FXN: variants seen among roughly 807,000 people sequenced by gnomAD.
FXN encodes frataxin, mitochondrial.
Under a neutral mutation model 22.4 loss-of-function variants are expected in FXN, and 14 were observed. The observed-to-expected ratio is 0.62, with a 90% CI of 0.41 to 0.98. The LOEUF (loss-of-function observed/expected upper bound fraction) is 0.98, where lower values mean the gene tolerates loss of function less well. Ranked by LOEUF, FXN falls within the 50% of genes least tolerant of loss-of-function variation. FXN has a pLI of 0.00. For synonymous variants in FXN, 120 were observed against 114.1 expected, an observed-to-expected ratio of 1.05 and a Z score of -0.33; for missense variants, 267 against 268.4, an observed-to-expected ratio of 0.99 and a Z score of 0.04.
intron 3 of FXN, among the ~76,000 whole-genome samples, chr9:69,062,258 C>T (rs1013838263): frequency 3.9e-5 from 6 of 152,004 alleles, no homozygotes; most frequent in African/African-American, 7.3e-5. Flanking sequence ...ACTATAGGTG[C>T]GCACCACCAC....
chr9:69,057,446 A>T (rs565301663), intron 3 of FXN, among the ~76,000 whole-genome samples: 1 of 152,324 alleles, frequency 6.6e-6, no homozygotes, highest in African/African-American at 2.4e-5. Context: ...AGAGATGCCT[A>T]TATTTTTCTA....
intron 3 of FXN, among the ~76,000 whole-genome samples, chr9:69,053,976 T>G (rs904659138): frequency 1.4e-4 from 22 of 152,110 alleles, no homozygotes; most frequent in Non-Finnish European, 2.6e-4. Context: ...ATTTTTAAGC[T>G]CCACAGATGA....
Position 69,074,927 on chromosome 9 carries a change from T to C in FXN, c.*2165T>C. 1 of 985,444 alleles carries C rather than the reference T, an allele frequency of 1.0e-6. No individual in the cohort carries two copies. The highest frequency in any genetic ancestry group is 1.2e-6 in the Non-Finnish European group (1 of 829,940). 61.0% of individuals were successfully genotyped at this position (985,444 alleles called of 1,614,324 possible). The stretch of plus-strand genomic sequence containing the variant: ...GTTTGCATCTTGCTTCTACTGAAAG[T>C]TTCAGTGCACCCCACTTACTTAGAA... On this transcript the variant is annotated 3_prime_UTR_variant, in exon 5 of 5. Coordinates refer to ENST00000484259, the MANE Select transcript of FXN (RefSeq NM_000144.5).
Position 69,035,773 on chromosome 9 carries a change from C to T in FXN, c.-10C>T, listed in dbSNP as rs770717563. 3 of 1,501,704 alleles carry T rather than the reference C, an allele frequency of 2.0e-6. No individual in the cohort carries two copies. The highest frequency in any genetic ancestry group is 2.5e-5 in the South Asian group (2 of 80,336). 93.0% of individuals were successfully genotyped at this position (1,501,704 alleles called of 1,614,324 possible). A position where few individuals can be genotyped will look rare whatever the true frequency, so the allele number is the denominator to read the frequency against. On this transcript the variant is annotated 5_prime_UTR_variant, in exon 1 of 5. Transcript: ENST00000484259. ...CTGGAGGGCGGAGCGGGCGGCAGAC[C>T]CGGAGCAGCATGTGGACTCTCGGGC...
chr9:69,076,595 A>G lies in FXN; in HGVS notation c.*3833A>G, dbSNP rs958904996. 5.9e-5 allele frequency: 58 copies of G among 985,418 alleles called. No individual in the cohort carries two copies. The Admixed American group carries it at 6.1e-4, about 10-fold the overall frequency. The allele number at this position is 985,418 out of a possible 1,614,324, so 61.0% of individuals were successfully genotyped here. A position where few individuals can be genotyped will look rare whatever the true frequency, so the allele number is the denominator to read the frequency against. ...GGTTTACAATATGCTTTATCCAGCT[A>G]TACCTGCCCCAAATTCTGACAGATG... On this transcript the variant is annotated 3_prime_UTR_variant, in exon 5 of 5. Coordinates refer to ENST00000484259, the MANE Select transcript of FXN (RefSeq NM_000144.5).
intron 4 of FXN, among the ~76,000 whole-genome samples, chr9:69,066,385 G>A (rs1832166092): frequency 6.6e-6 from 1 of 152,140 alleles, no homozygotes; most frequent in Non-Finnish European, 1.5e-5. Flanking sequence ...AATAAATAGT[G>A]TGTTTCCTTT....
chr9:69,077,233 G>A lies in FXN; in HGVS notation c.*4471G>A, dbSNP rs1282229413. On this transcript the variant is annotated 3_prime_UTR_variant, in exon 5 of 5. Transcript: ENST00000484259. ...AGCCAGAAATGCCTTCTAATCTTTG[G>A]TTTATCTTAATTAGCCAGGACACTT... The A allele has an allele frequency of 3.0e-6, 3 of 985,246 alleles. No homozygotes were observed. Among genetic ancestry groups the A allele is most frequent in the Non-Finnish European group, 3.6e-6 (3 of 829,928 alleles). 61.0% of individuals were successfully genotyped at this position (985,246 alleles called of 1,614,324 possible).
chr9:69,053,601 G>T lies in FXN; in HGVS notation c.384+341G>T, dbSNP rs183092959. 2.8e-3 allele frequency among the ~76,000 whole-genome samples: 429 copies of T among 152,182 alleles called. 1 individual carries two copies. Among genetic ancestry groups the T allele is most frequent in the Admixed American group, 7.7e-3 (118 of 15,264 alleles). On this transcript the variant is annotated intron_variant, in intron 3 of 4. Coordinates refer to ENST00000484259, the MANE Select transcript of FXN (RefSeq NM_000144.5). ...TCAAGCTGCAGTCCAGCTCTACCAG[G>T]CTTGTTGTGACTCTGGGCAAGTCAC...
intron 1 of FXN, among the ~76,000 whole-genome samples, chr9:69,043,819 G>A (rs1294853170): frequency 6.6e-6 from 1 of 152,116 alleles, no homozygotes; most frequent in Non-Finnish European, 1.5e-5. Context: ...CCTGACCTCA[G>A]GTGATCCACC....
At chr9:69,039,771 G>T (rs1293885433) in intron 1 of FXN, among the ~76,000 whole-genome samples, 1 of 152,164 alleles carries the variant, frequency 6.6e-6, no homozygotes, top group African/African-American at 2.4e-5. Flanking sequence ...TCCATTTTCT[G>T]TTGCTTGTGA....
At chr9:69,056,583 C>T (rs1235844876) in intron 3 of FXN, among the ~76,000 whole-genome samples, 1 of 152,146 alleles carries the variant, frequency 6.6e-6, no homozygotes, top group African/African-American at 2.4e-5. Flanking sequence ...GCCATGATCG[C>T]ACCACTGTTC....
chr9:69,035,811 C>T lies in FXN; in HGVS notation c.29C>T (p.Ala10Val), dbSNP rs1831536332. 1.3e-6 allele frequency: 2 copies of T among 1,512,010 alleles called. No individual in the cohort carries two copies. 93.7% of individuals were successfully genotyped at this position (1,512,010 alleles called of 1,614,324 possible). MWTLGRRAV[A>V]GLLASPSPAQ... ...TGGACTCTCGGGCGCCGCGCAGTAG[C>T]CGGCCTCCTGGCGTCACCCAGCCCA... is the stretch of plus-strand genomic sequence containing the variant. Residue 10 changes from alanine to valine, a missense_variant, in exon 1 of 5, where the codon GCC (alanine) becomes GTC (valine). Ala to Val is a moderately conservative substitution (Grantham distance 64, BLOSUM62 0). Coordinates refer to ENST00000484259, the MANE Select transcript of FXN (RefSeq NM_000144.5).
intron 4 of FXN, among the ~76,000 whole-genome samples, chr9:69,065,341 G>C (rs1832150499): frequency 6.6e-6 from 1 of 152,138 alleles, no homozygotes; most frequent in Admixed American, 6.5e-5. Context: ...AGGAGTTTGA[G>C]ACCAGCCTGG....
At chr9:69,039,006 A>C (rs1831609716) in intron 1 of FXN, among the ~76,000 whole-genome samples, 1 of 152,048 alleles carries the variant, frequency 6.6e-6, no homozygotes, top group Non-Finnish European at 1.5e-5. Flanking sequence ...TAATCCCAGC[A>C]CTTTGGGAGG....
intron 1 of FXN, among the ~76,000 whole-genome samples, chr9:69,037,723 A>C (rs1831589692): frequency 6.6e-6 from 1 of 152,112 alleles, no homozygotes; most frequent in African/African-American, 2.4e-5. Context: ...CCCAGGCTGG[A>C]GTGCAGTGGC....
chr9:69,049,537 C>G (rs1349142480), intron 2 of FXN, among the ~76,000 whole-genome samples: 1 of 152,148 alleles, frequency 6.6e-6, no homozygotes, highest in African/African-American at 2.4e-5. Flanking sequence ...TGGAAACTTT[C>G]AGATAGTGGA....
rs1832301638 is a variant in FXN at position 69,072,994 on chromosome 9, T to A, written c.*232T>A. ...AGATTTTTTGGATTGTCGGATTTCC[T>A]CCCTCACATGATACCCCTTATCTTT... On this transcript the variant is annotated 3_prime_UTR_variant, in exon 5 of 5. Coordinates refer to ENST00000484259, the MANE Select transcript of FXN (RefSeq NM_000144.5). The A allele has an allele frequency of 2.0e-5, 28 of 1,428,954 alleles. No homozygotes were observed. The highest frequency in any genetic ancestry group is 2.5e-5 in the Non-Finnish European group (27 of 1,098,774). 88.5% of individuals were successfully genotyped at this position (1,428,954 alleles called of 1,614,324 possible).
chr9:69,065,180 C>G (rs1832147450), intron 4 of FXN, 145 bp downstream of exon 4: 1 of 698,644 alleles, frequency 1.4e-6, no homozygotes, highest in East Asian at 2.7e-5. Context: ...GTAGGAGGAT[C>G]ACTTGAGGAC....
intron 1 of FXN, among the ~76,000 whole-genome samples, chr9:69,040,529 G>A (rs567298189): frequency 4.6e-5 from 7 of 152,170 alleles, no homozygotes; most frequent in South Asian, 2.1e-4. Flanking sequence ...TTAGCCGGGC[G>A]TGGTGACGGG....
Sources: allele counts gnomAD v4.1 joint callset (sites outside exome capture counted in the v4.1 genomes callset), GRCh38; gene constraint gnomAD v4.1.1; transcripts MANE v1.5; gene names NCBI Gene and HGNC (gene_info 2026-07-23, HGNC 2026-07-21).